RBPJ: variants seen among roughly 807,000 people sequenced by gnomAD.
RBPJ encodes recombination signal binding protein for immunoglobulin kappa J region, also known as recombining binding protein suppressor of hairless.
Under a neutral mutation model 67.8 loss-of-function variants are expected in RBPJ, and 9 were observed. The ratio of observed to expected loss-of-function variants is 0.13; its 90% confidence interval spans 0.08 to 0.23. The LOEUF is 0.23. Among genes scored for constraint, RBPJ ranks in the 10% least tolerant of loss-of-function variants. The pLI, the probability that RBPJ is intolerant of heterozygous loss-of-function variation, is 1.00. For synonymous variants in RBPJ, 198 were observed against 203.3 expected, an observed-to-expected ratio of 0.97 and a Z score of 0.22; for missense variants, 305 against 595.6, an observed-to-expected ratio of 0.51 and a Z score of 5.08.
intron 3 of RBPJ, among the ~76,000 whole-genome samples, chr4:26,407,898 T>C (rs1733611956): frequency 7.4e-6 from 1 of 135,516 alleles, no homozygotes; most frequent in Non-Finnish European, 1.6e-5. Flanking sequence ...TTTTTTTTTT[T>C]TTTTTTTTTT....
intron 1 of RBPJ, among the ~76,000 whole-genome samples, chr4:26,166,070 G>A (rs1398853494): frequency 6.7e-6 from 1 of 148,902 alleles, no homozygotes; most frequent in African/African-American, 2.5e-5. Context: ...TGGCTGCATA[G>A]TATTCCATGG....
At chr4:26,217,770 T>G (rs1328805778) in intron 1 of RBPJ, among the ~76,000 whole-genome samples, 1 of 152,174 alleles carries the variant, frequency 6.6e-6, no homozygotes, top group South Asian at 2.1e-4. Context: ...ACAAAAAAAC[T>G]TCTAAATTCC....
At chr4:26,242,473 A>T (rs1382569819) in intron 1 of RBPJ, among the ~76,000 whole-genome samples, 2 of 151,442 alleles carry the variant, frequency 1.3e-5, no homozygotes, top group Middle Eastern at 3.2e-3. Context: ...AAAAGAAAAG[A>T]AAAAAAGAAA....
the RBPJ span, among the ~76,000 whole-genome samples, chr4:26,145,338 T>C: frequency 6.6e-6 from 1 of 152,188 alleles, no homozygotes; most frequent in Non-Finnish European, 1.5e-5. Flanking sequence ...ATTAAGATGG[T>C]GTCAGACAAA....
intron 4 of RBPJ, among the ~76,000 whole-genome samples, chr4:26,416,614 G>C (rs553906366): frequency 6.6e-6 from 1 of 152,112 alleles, no homozygotes; most frequent in Non-Finnish European, 1.5e-5. Context: ...ACTGTACTTT[G>C]GAAAATGGTT....
the RBPJ span, among the ~76,000 whole-genome samples, chr4:26,107,038 C>A: frequency 1.3e-5 from 2 of 152,136 alleles, no homozygotes; most frequent in African/African-American, 4.8e-5. Context: ...AAAGTAAATT[C>A]TGTGGTAAAT....
intron 1 of RBPJ, among the ~76,000 whole-genome samples, chr4:26,266,172 T>C (rs368956010): frequency 9.9e-5 from 15 of 152,128 alleles, no homozygotes; most frequent in Non-Finnish European, 2.1e-4. Flanking sequence ...CCACATCCTA[T>C]TCCCTGCAGT....
chr4:26,205,493 AGCTGGG>A (rs1351914501), intron 1 of RBPJ, among the ~76,000 whole-genome samples: 1 of 152,124 alleles, frequency 6.6e-6, no homozygotes, highest in African/African-American at 2.4e-5. Flanking sequence ...TTCAAATGGG[AGCTGGG>A]CGGCATGGCA....
At chr4:26,406,910 G>A (rs911830313) in intron 3 of RBPJ, among the ~76,000 whole-genome samples, 3 of 152,222 alleles carry the variant, frequency 2.0e-5, no homozygotes, top group African/African-American at 7.2e-5. Flanking sequence ...GGAGGCTTTA[G>A]AGTAAGAAGC....
At chr4:26,218,033 A>G (rs1257281793) in intron 1 of RBPJ, among the ~76,000 whole-genome samples, 4 of 152,190 alleles carry the variant, frequency 2.6e-5, no homozygotes, top group Non-Finnish European at 5.9e-5. Flanking sequence ...CCGTCTTGCT[A>G]GGAGCAATGT....
chr4:26,304,395 C>T (rs954349748), intron 1 of RBPJ, among the ~76,000 whole-genome samples: 2 of 152,156 alleles, frequency 1.3e-5, no homozygotes, highest in African/African-American at 4.8e-5. Flanking sequence ...GTAACTCTAT[C>T]GTTACCCTTT....
At chr4:26,113,352 G>T in the RBPJ span, 2 of 548,010 alleles carry the variant, frequency 3.6e-6, no homozygotes, top group South Asian at 1.8e-5. Context: ...AAAACCTTGT[G>T]GGAGAAGTCA....
chr4:26,227,151 TTGGCAGCCA>T (rs1489430633), intron 1 of RBPJ, among the ~76,000 whole-genome samples: 1 of 152,198 alleles, frequency 6.6e-6, no homozygotes, highest in Non-Finnish European at 1.5e-5. Context: ...TCCAGCATGA[TTGGCAGCCA>T]TGTAATTTGA....
At chr4:26,396,638 G>T (rs986775925) in intron 2 of RBPJ, among the ~76,000 whole-genome samples, 19 of 152,212 alleles carry the variant, frequency 1.2e-4, no homozygotes, top group African/African-American at 4.1e-4. Context: ...TCAATGTAAC[G>T]GCCTATGCCT....
At chr4:26,151,302 GGT>G in the RBPJ span, among the ~76,000 whole-genome samples, 1 of 152,138 alleles carries the variant, frequency 6.6e-6, no homozygotes, top group Non-Finnish European at 1.5e-5. Flanking sequence ...AGCATAAAAT[GGT>G]TGCCAGCAAA....
At chr4:26,133,108 G>T in the RBPJ span, among the ~76,000 whole-genome samples, 2 of 152,232 alleles carry the variant, frequency 1.3e-5, no homozygotes, top group Non-Finnish European at 2.9e-5. Flanking sequence ...ACCCAGGCAG[G>T]TGTCCTCTCT....
rs565249477 is a variant in RBPJ, at chr4:26,372,774, AT to A, written c.21-13577del. On this transcript the variant is annotated intron_variant, in intron 1 of 10. Transcript: ENST00000355476. ...AACATTGTCAGATGTTTGTAGAAGCATTAATGAGCTTGTAGTATTACCCAAG... is the reference window on the plus strand; with the variant it reads ...AACATTGTCAGATGTTTGTAGAAGCATAATGAGCTTGTAGTATTACCCAAG... Among the ~76,000 whole-genome samples, 92 of 152,336 alleles carry A rather than the reference AT, an allele frequency of 6.0e-4. 2 individuals carry two copies. Among genetic ancestry groups the A allele is most frequent in the African/African-American group, 1.8e-3 (75 of 41,574 alleles).
chr4:26,172,136 T>C (rs1457372991), intron 1 of RBPJ, among the ~76,000 whole-genome samples: 1 of 152,128 alleles, frequency 6.6e-6, no homozygotes, highest in Admixed American at 6.5e-5. Context: ...TTCAACAACA[T>C]GGATGGAACT....
intron 1 of RBPJ, among the ~76,000 whole-genome samples, chr4:26,201,479 A>G (rs1717979465): frequency 6.6e-6 from 1 of 152,180 alleles, no homozygotes; most frequent in Non-Finnish European, 1.5e-5. Flanking sequence ...AGATGGTATC[A>G]GTGTGACTCC....
Sources: gnomAD v4.1 joint callset for allele counts (sites outside exome capture counted in the v4.1 genomes callset) on GRCh38, gnomAD v4.1.1 for gene constraint, MANE v1.5 for transcripts, NCBI Gene and HGNC (gene_info 2026-07-23, HGNC 2026-07-21) for gene names.